The following PLA2R1 variants were observed in gnomAD, a reference collection of about 807,000 sequenced individuals.
PLA2R1 encodes phospholipase A2 receptor 1, also known as secretory phospholipase A2 receptor.
In PLA2R1, 158 loss-of-function variants were observed where a neutral mutation model predicts 195.9. The ratio of observed to expected loss-of-function variants is 0.81; its 90% CI spans 0.71 to 0.92. The LOEUF (loss-of-function observed/expected upper bound fraction) is 0.92. Ranked by LOEUF, PLA2R1 falls within the 40% of genes least tolerant of loss-of-function variation. The probability of loss-of-function intolerance (pLI) is 0.00; values close to 1 mark genes in which losing one functional copy is unlikely to be tolerated. For missense variants in PLA2R1, 1,626 were observed against 1,764.6 expected (o/e 0.92, Z 1.41); for synonymous variants, 586 against 598.2 (o/e 0.98, Z 0.30).
chr2:159,944,982 G>A lies in PLA2R1; in HGVS notation c.4068C>T (p.Ala1356=). ...TDYFKPHHCV[A]LRIPEGLWQL... is the part of the protein sequence containing the mutation. The stretch of plus-strand genomic sequence containing the variant: ...GCCATAATCCTTCAGGGATCCTCAA[G>A]GCAACACAATGATGGGGCTTGAAGT... The change falls in exon 28 of 30, where the codon GCC becomes GCT. Residue 1356 remains alanine, a synonymous_variant. Transcript: ENST00000283243. The A allele has an allele frequency of 6.2e-7, 1 of 1,613,646 alleles. No individual in the cohort carries two copies. Among genetic ancestry groups the A allele is most frequent in the South Asian group, 1.1e-5 (1 of 91,076 alleles).
chr2:159,935,945 A>ATTTTTTTTTTTTTTTTT lies in PLA2R1; in HGVS notation c.*5816_*5832dup, dbSNP rs56240008. On this transcript the variant is annotated 3_prime_UTR_variant, in exon 30 of 30. Coordinates refer to ENST00000283243, the MANE Select transcript of PLA2R1 (RefSeq NM_007366.5). ...GCAGTAAAAATATGTATATAAATTAATTTTTTTTTTTTTTTTTTTTTTTTG... is the reference window on the plus strand; with the variant it reads ...GCAGTAAAAATATGTATATAAATTAATTTTTTTTTTTTTTTTTTTTTTTTTTTTTTTTTTTTTTTTTG... 1.7e-3 allele frequency: 177 copies of ATTTTTTTTTTTTTTTTT among 107,174 alleles called. 15 individuals are homozygous for ATTTTTTTTTTTTTTTTT. The highest frequency in any genetic ancestry group is 3.3e-3 in the African/African-American group (92 of 27,858). 6.6% of individuals were successfully genotyped at this position (107,174 alleles called of 1,614,324 possible). A position where few individuals can be genotyped will look rare whatever the true frequency, so the allele number is the denominator to read the frequency against.
intron 20 of PLA2R1, among the ~76,000 whole-genome samples, chr2:159,956,964 C>T (rs1034445514): frequency 5.8e-4 from 85 of 146,052 alleles, no homozygotes; most frequent in Admixed American, 1.1e-3. Context: ...TACATGGGCA[C>T]ATTTAATCTA....
rs1687468520 is a variant in PLA2R1, at chr2:159,947,573, C to A, written c.3710-14G>T. ...ATTGTCTTGTTTCTGTGAAGAAAAGCCAGTTATGATTTCAGGGTGGTGACT... is the reference window on the plus strand; with the variant it reads ...ATTGTCTTGTTTCTGTGAAGAAAAGACAGTTATGATTTCAGGGTGGTGACT... On this transcript the variant is annotated splice_polypyrimidine_tract_variant and intron_variant, in intron 25 of 29. Coordinates refer to ENST00000283243, the MANE Select transcript of PLA2R1 (RefSeq NM_007366.5). The A allele has an allele frequency of 6.2e-7, 1 of 1,611,496 alleles. No homozygotes were observed. Among genetic ancestry groups the A allele is most frequent in the Admixed American group, 1.7e-5 (1 of 59,738 alleles).
intron 6 of PLA2R1, among the ~76,000 whole-genome samples, chr2:160,023,830 T>C (rs1693313919): frequency 1.3e-5 from 2 of 152,212 alleles, no homozygotes; most frequent in African/African-American, 4.8e-5. Flanking sequence ...AGGAGAGTGC[T>C]GGAGCACATC....
chr2:160,004,029 G>A (rs1161684613), intron 11 of PLA2R1, among the ~76,000 whole-genome samples: 2 of 152,162 alleles, frequency 1.3e-5, no homozygotes, highest in African/African-American at 4.8e-5. Context: ...GTATTTAAAT[G>A]CAATGCATAG....
rs192615536 is a variant in PLA2R1 at position 160,018,380 on chromosome 2, T to G, written c.1453-1668A>C. Among the ~76,000 whole-genome samples, 8 of 152,302 alleles carry G rather than the reference T, an allele frequency of 5.3e-5. No individual in the cohort carries two copies. In the East Asian group the frequency reaches 1.5e-3, roughly 29 times the overall value. On this transcript the variant is annotated intron_variant, in intron 8 of 29. Coordinates refer to ENST00000283243, the MANE Select transcript of PLA2R1 (RefSeq NM_007366.5). Reference sequence around the variant, plus strand: ...GTGGTGGGCCAGGCGCGGTTGCCCATGCCAGTAATCACAACACTTTGGGAG... The same window carrying G: ...GTGGTGGGCCAGGCGCGGTTGCCCAGGCCAGTAATCACAACACTTTGGGAG...
downstream of PLA2R1, among the ~76,000 whole-genome samples, chr2:159,929,870 G>A (rs201691945): frequency 0.047 from 6,788 of 142,982 alleles, 423 homozygotes; most frequent in African/African-American, 0.15. Flanking sequence ...GTGTGTGTGT[G>A]TGTATATATA....
chr2:159,945,445 A>G lies in PLA2R1; in HGVS notation c.3968-363T>C, dbSNP rs979425868. On this transcript the variant is annotated intron_variant, in intron 27 of 29. Coordinates refer to ENST00000283243, the MANE Select transcript of PLA2R1 (RefSeq NM_007366.5). Reference sequence around the variant, plus strand: ...TTCCCACCTATGAGTGAGAATATGCAGTGTTTGGTTTTTTGTTCTTGCGAT... The same window carrying G: ...TTCCCACCTATGAGTGAGAATATGCGGTGTTTGGTTTTTTGTTCTTGCGAT... Among the ~76,000 whole-genome samples the G allele has an allele frequency of 1.3e-5, 2 of 150,742 alleles. 1 individual carries two copies. Among genetic ancestry groups the G allele is most frequent in the South Asian group, 4.2e-4 (2 of 4,814 alleles).
intron 20 of PLA2R1, among the ~76,000 whole-genome samples, chr2:159,964,779 G>T (rs1688675453): frequency 6.6e-6 from 1 of 151,914 alleles, no homozygotes; most frequent in Non-Finnish European, 1.5e-5. Flanking sequence ...TAAGAGGAAG[G>T]TACAACTTTG....
At chr2:159,970,660 G>A (rs1689097149) in intron 17 of PLA2R1, among the ~76,000 whole-genome samples, 1 of 152,144 alleles carries the variant, frequency 6.6e-6, no homozygotes, top group African/African-American at 2.4e-5. Flanking sequence ...TTAGGTATTA[G>A]TCTGATTGCT....
chr2:159,962,849 TAG>T (rs1222324911), intron 20 of PLA2R1, among the ~76,000 whole-genome samples: 103 of 151,774 alleles, frequency 6.8e-4, no homozygotes, highest in Admixed American at 1.6e-3. Flanking sequence ...CACATGGACA[TAG>T]GGAGGGGAAC....
At chr2:159,954,530 AT>A (rs1687963264) in intron 23 of PLA2R1, among the ~76,000 whole-genome samples, 13 of 151,844 alleles carry the variant, frequency 8.6e-5, no homozygotes, top group African/African-American at 1.7e-4. Flanking sequence ...ATATATATAT[AT>A]AAATATATGC....
intron 9 of PLA2R1, 119 bp from the exon 10 acceptor site, chr2:160,013,494 C>T (rs190990755): frequency 4.0e-5 from 20 of 494,328 alleles, no homozygotes; most frequent in Non-Finnish European, 6.8e-5. Flanking sequence ...TTTAAAACTC[C>T]TTGAATTTTT....
intron 6 of PLA2R1, among the ~76,000 whole-genome samples, chr2:160,024,313 C>G (rs1018639801): frequency 3.3e-5 from 5 of 152,178 alleles, no homozygotes; most frequent in African/African-American, 1.2e-4. Context: ...GGCTCTCACT[C>G]TACCTGGTGT....
chr2:160,020,163 T>C lies in PLA2R1; in HGVS notation c.1395A>G (p.Thr465=). Residue 465 remains threonine, a synonymous_variant, in exon 8 of 30, where the codon ACA becomes ACG. Coordinates refer to ENST00000283243, the MANE Select transcript of PLA2R1 (RefSeq NM_007366.5). ...DSSVIFTNWH[T]LEPHIFPNRS... is the part of the protein sequence containing the mutation. ...TATTTGGAAAAATGTGGGGCTCAAG[T>C]GTGTGCCAATTAGTAAAGATGACTG... is the stretch of plus-strand genomic sequence containing the variant. 1 of 1,613,598 alleles carries C rather than the reference T, an allele frequency of 6.2e-7. No homozygotes were observed. The highest frequency in any genetic ancestry group is 1.1e-5 in the South Asian group (1 of 91,066).
chr2:159,993,177 A>G (rs1483188228), intron 11 of PLA2R1, among the ~76,000 whole-genome samples: 1 of 152,134 alleles, frequency 6.6e-6, no homozygotes, highest in African/African-American at 2.4e-5. Context: ...ATGAGAAGCT[A>G]ATTTATCATC....
rs143636252 is a variant in PLA2R1 at position 160,021,557 on chromosome 2, A to G, written c.1294+1108T>C. ...TGTCAAATACTGCGTGTTCTTACTTATAAGTGGGAGCTAAACAATGGGGAC... is the reference window on the plus strand; with the variant it reads ...TGTCAAATACTGCGTGTTCTTACTTGTAAGTGGGAGCTAAACAATGGGGAC... On this transcript the variant is annotated intron_variant, in intron 7 of 29. Coordinates refer to ENST00000283243, the MANE Select transcript of PLA2R1 (RefSeq NM_007366.5). Among the ~76,000 whole-genome samples the G allele has an allele frequency of 1.2e-3, 181 of 152,328 alleles. 1 individual carries two copies. In the Middle Eastern group the frequency reaches 0.054, roughly 46 times the overall value.
intron 20 of PLA2R1, among the ~76,000 whole-genome samples, chr2:159,960,410 C>T (rs1310859863): frequency 3.3e-5 from 5 of 152,032 alleles, no homozygotes; most frequent in African/African-American, 9.7e-5. Context: ...TTTTCCTCAC[C>T]ACTGAATTCC....
At chr2:159,969,201 C>T in intron 19 of PLA2R1, 55 bp downstream of exon 19, 1 of 832,838 alleles carries the variant, frequency 1.2e-6, no homozygotes, top group Non-Finnish European at 2.0e-6. Context: ...GACTTTAAGC[C>T]TCCTGAAAAT....
Sources: gnomAD v4.1 joint callset for allele counts (sites outside exome capture counted in the v4.1 genomes callset) on GRCh38, gnomAD v4.1.1 for gene constraint, MANE v1.5 for transcripts, NCBI Gene and HGNC (gene_info 2026-07-23, HGNC 2026-07-21) for gene names.